Variants in BRINP3 observed in about 807,000 individuals in gnomAD.
The protein encoded by BRINP3 is BMP/retinoic acid-inducible neural-specific protein 3.
A neutral mutation model predicts 71.0 loss-of-function variants in BRINP3; 19 were observed. The observed-to-expected ratio is 0.27, with a 90% CI of 0.19 to 0.39. The LOEUF is 0.39. BRINP3 is among the 10% of genes least tolerant of loss of function. BRINP3 has a pLI of 1.00. For synonymous variants in BRINP3, 380 were observed against 337.7 expected, an observed-to-expected ratio of 1.13 and a Z score of -1.37; for missense variants, 959 against 940.8, an observed-to-expected ratio of 1.02 and a Z score of -0.25.
intron 2 of BRINP3, among the ~76,000 whole-genome samples, chr1:190,312,321 A>ATAAAT (rs1375331056): frequency 1.3e-5 from 2 of 151,374 alleles, no homozygotes; most frequent in Non-Finnish European, 3.0e-5. Context: ...AAAAGCCAAA[A>ATAAAT]TAAATTTTGA....
chr1:190,167,901 A>T (rs1651693497), intron 6 of BRINP3, among the ~76,000 whole-genome samples: 1 of 152,174 alleles, frequency 6.6e-6, no homozygotes, highest in Non-Finnish European at 1.5e-5. Context: ...CATTAAATGC[A>T]TGGGTAAAAG....
At chr1:190,191,934 G>A (rs577945490) in intron 6 of BRINP3, among the ~76,000 whole-genome samples, 2 of 152,044 alleles carry the variant, frequency 1.3e-5, no homozygotes, top group Admixed American at 6.6e-5. Context: ...AAAAATAGAA[G>A]TATAACATAT....
intron 2 of BRINP3, among the ~76,000 whole-genome samples, chr1:190,428,104 T>A (rs553543603): frequency 1.3e-5 from 2 of 152,034 alleles, no homozygotes; most frequent in Non-Finnish European, 2.9e-5. Flanking sequence ...GCAAATATTT[T>A]TTTTTCCTCA....
chr1:190,277,087 T>TTTTTTATATATATATATATATA (rs1290283215), intron 3 of BRINP3, among the ~76,000 whole-genome samples: 1 of 36,004 alleles, frequency 2.8e-5, no homozygotes, highest in Non-Finnish European at 6.7e-5. Context: ...AATTTTGGTT[T>TTTTTTATATATATATATATATA]TATATATATA....
chr1:190,457,287 T>G (rs1478670387), intron 1 of BRINP3, among the ~76,000 whole-genome samples: 1 of 151,808 alleles, frequency 6.6e-6, no homozygotes, highest in Non-Finnish European at 1.5e-5. Context: ...ACTAAAAATA[T>G]ACAAAAATTA....
intron 2 of BRINP3, among the ~76,000 whole-genome samples, chr1:190,301,059 T>G (rs1487447979): frequency 6.6e-6 from 1 of 151,210 alleles, no homozygotes; most frequent in Non-Finnish European, 1.5e-5. Flanking sequence ...TGAATAGTTT[T>G]TAAAATTCCA....
At chr1:190,265,178 G>T in intron 3 of BRINP3, 123 bp from the exon 4 acceptor site, 2 of 810,566 alleles carry the variant, frequency 2.5e-6, no homozygotes, top group South Asian at 2.0e-5. Context: ...TATGCCAAAA[G>T]GGCAAGGGGT....
At chr1:190,439,444 T>C (rs1355195408) in intron 2 of BRINP3, among the ~76,000 whole-genome samples, 1 of 151,972 alleles carries the variant, frequency 6.6e-6, no homozygotes, top group African/African-American at 2.4e-5. Context: ...AAATAAGTCA[T>C]GTCTTTAAAA....
chr1:190,455,512 A>G (rs2102632537), intron 1 of BRINP3, among the ~76,000 whole-genome samples: 1 of 152,248 alleles, frequency 6.6e-6, no homozygotes, highest in Non-Finnish European at 1.5e-5. Flanking sequence ...AGAGACAGAC[A>G]CAGAGTGAGA....
chr1:190,175,211 A>G (rs1652398125), intron 6 of BRINP3, among the ~76,000 whole-genome samples: 1 of 152,212 alleles, frequency 6.6e-6, no homozygotes, highest in Admixed American at 6.5e-5. Flanking sequence ...TTAAATTGAA[A>G]TAGCAAATTG....
intron 6 of BRINP3, among the ~76,000 whole-genome samples, chr1:190,213,264 T>C (rs748382025): frequency 4.6e-5 from 7 of 152,076 alleles, no homozygotes; most frequent in Non-Finnish European, 8.8e-5. Flanking sequence ...CTCCAGATGA[T>C]GGCTGCACCG....
chr1:190,425,498 C>T (rs768684591), intron 2 of BRINP3, among the ~76,000 whole-genome samples: 3 of 151,700 alleles, frequency 2.0e-5, no homozygotes, highest in Non-Finnish European at 3.0e-5. Flanking sequence ...TATGCTAGAA[C>T]TAAGAAAGTG....
intron 2 of BRINP3, among the ~76,000 whole-genome samples, chr1:190,287,661 C>T (rs1663536877): frequency 6.6e-6 from 1 of 152,020 alleles, no homozygotes; most frequent in African/African-American, 2.4e-5. Flanking sequence ...AAGTAGACTA[C>T]AGAAGACAAT....
At chr1:190,117,318 T>A (rs1272109259) in intron 7 of BRINP3, among the ~76,000 whole-genome samples, 1 of 152,012 alleles carries the variant, frequency 6.6e-6, no homozygotes, top group East Asian at 1.9e-4. Flanking sequence ...ACTCTATAAA[T>A]AATTGTTGAA....
intron 1 of BRINP3, among the ~76,000 whole-genome samples, chr1:190,468,214 T>C (rs1342292344): frequency 6.6e-6 from 1 of 151,362 alleles, no homozygotes; most frequent in East Asian, 1.9e-4. Flanking sequence ...ATTATATCAC[T>C]TCTGTAATTA....
intron 6 of BRINP3, among the ~76,000 whole-genome samples, chr1:190,193,972 AC>A (rs1210863017): frequency 1.3e-5 from 2 of 151,608 alleles, no homozygotes; most frequent in African/African-American, 2.4e-5. Flanking sequence ...CCACTAACTC[AC>A]CCCACCTTTT....
At chr1:190,283,336 A>C (rs1663182351) in intron 2 of BRINP3, among the ~76,000 whole-genome samples, 1 of 152,120 alleles carries the variant, frequency 6.6e-6, no homozygotes, top group Middle Eastern at 3.4e-3. Context: ...GATAGGAGTT[A>C]GAATCTGCAT....
chr1:190,366,133 G>A (rs1294066024), intron 2 of BRINP3, among the ~76,000 whole-genome samples: 1 of 152,034 alleles, frequency 6.6e-6, no homozygotes, highest in African/African-American at 2.4e-5. Flanking sequence ...TTGTCTCAGT[G>A]TATTAGTCTG....
chr1:190,472,450 A>G (rs530260953), intron 1 of BRINP3, among the ~76,000 whole-genome samples: 1 of 151,852 alleles, frequency 6.6e-6, no homozygotes, highest in African/African-American at 2.4e-5. Flanking sequence ...TCAAGAAAAA[A>G]TATTTTTTTT....
Sources: allele counts gnomAD v4.1 joint callset (sites outside exome capture counted in the v4.1 genomes callset), GRCh38; gene constraint gnomAD v4.1.1; transcripts MANE v1.5; gene names NCBI Gene and HGNC (gene_info 2026-07-23, HGNC 2026-07-21).